The following SNURF variants were observed in gnomAD, a reference collection of about 807,000 sequenced individuals.
The protein encoded by SNURF is SNURF protein.
SNURF carries 6 observed loss-of-function variants against 11.6 expected under a neutral mutation model. That is an observed-to-expected ratio of 0.52 (90% CI 0.28 to 1.02). The LOEUF (loss-of-function observed/expected upper bound fraction) is 1.02, where lower values mean the gene tolerates loss of function less well. SNURF is among the 50% of genes least tolerant of loss of function. The probability of loss-of-function intolerance (pLI) is 0.09; values close to 1 mark genes in which losing one functional copy is unlikely to be tolerated. For missense variants in SNURF, 84 were observed against 88.4 expected (o/e 0.95, Z 0.20); for synonymous variants, 29 against 31.6 (o/e 0.92, Z 0.27).
intron 1 of SNURF, among the ~76,000 whole-genome samples, chr15:24,960,607 G>A (rs536439913): frequency 6.6e-6 from 1 of 152,134 alleles, no homozygotes; most frequent in East Asian, 1.9e-4. Flanking sequence ...TGCCTCATTG[G>A]GATTTTGATT....
downstream of SNURF, among the ~76,000 whole-genome samples, chr15:24,971,414 G>A (rs1273799287): frequency 6.6e-6 from 1 of 152,182 alleles, no homozygotes; most frequent in Non-Finnish European, 1.5e-5. Context: ...AGGGATGAGA[G>A]AGAACTGTTT....
intron 2 of SNURF, among the ~76,000 whole-genome samples, chr15:24,964,452 C>T (rs1397096140): frequency 6.6e-6 from 1 of 152,078 alleles, no homozygotes; most frequent in Non-Finnish European, 1.5e-5. Flanking sequence ...GCCACCATGC[C>T]TGGCTAATTT....
downstream of SNURF, among the ~76,000 whole-genome samples, chr15:24,971,219 T>C (rs2076358989): frequency 6.6e-6 from 1 of 152,232 alleles, no homozygotes; most frequent in African/African-American, 2.4e-5. Context: ...AATTTGCTTA[T>C]GTGCCCTTTG....
chr15:24,962,249 T>A (rs1431761378), intron 2 of SNURF, 40 bp downstream of exon 2: 2 of 1,534,744 alleles, frequency 1.3e-6, no homozygotes, highest in South Asian at 2.2e-5. Context: ...CAAGTCAGAA[T>A]CTCCTTTCAG....
chr15:24,959,651 A>G (rs933795487), intron 1 of SNURF, among the ~76,000 whole-genome samples: 3 of 152,196 alleles, frequency 2.0e-5, no homozygotes, highest in Non-Finnish European at 4.4e-5. Flanking sequence ...ATTGTATTAT[A>G]TTAAGGTACT....
chr15:24,968,365 A>G, exon 3 of SNURF: 1 of 249,992 alleles, frequency 4.0e-6, no homozygotes. Flanking sequence ...TGGCTCTTGA[A>G]TACCCTGTTA....
At chr15:24,967,703 G>A (rs2075851299) in intron 2 of SNURF, among the ~76,000 whole-genome samples, 2 of 150,956 alleles carry the variant, frequency 1.3e-5, no homozygotes, top group Admixed American at 6.6e-5. Context: ...AGCTACTTGG[G>A]AGGCTGAGGC....
At chr15:24,968,105 TC>T in exon 3 of SNURF, 1 of 1,335,342 alleles carries the variant, frequency 7.5e-7, no homozygotes, top group Non-Finnish European at 1.1e-6. Flanking sequence ...GCAGCAATGA[TC>T]AAGAATAAAG....
intron 6 of SNURF, among the ~76,000 whole-genome samples, chr15:24,977,494 G>A (rs1335263861): frequency 6.6e-6 from 1 of 152,078 alleles, no homozygotes; most frequent in African/African-American, 2.4e-5. Context: ...ACAAAAATCA[G>A]CTGTGTGTGG....
At chr15:24,959,354 C>T (rs548276504) in intron 1 of SNURF, among the ~76,000 whole-genome samples, 7 of 152,212 alleles carry the variant, frequency 4.6e-5, no homozygotes, top group African/African-American at 1.2e-4. Flanking sequence ...AAGCCAGGTG[C>T]GGTGGCTCAT....
At chr15:24,957,579 C>T (rs551547414) in intron 1 of SNURF, among the ~76,000 whole-genome samples, 1 of 152,220 alleles carries the variant, frequency 6.6e-6, no homozygotes, top group East Asian at 1.9e-4. Context: ...TTTACATTTT[C>T]CCTCTATCAT....
chr15:24,957,773 T>C (rs1308002715), intron 1 of SNURF, among the ~76,000 whole-genome samples: 1 of 152,154 alleles, frequency 6.6e-6, no homozygotes, highest in Non-Finnish European at 1.5e-5. Flanking sequence ...GCAGTTCACA[T>C]ACATATATTT....
At chr15:24,958,520 T>TTTA (rs1440476628) in intron 1 of SNURF, among the ~76,000 whole-genome samples, 1 of 120,712 alleles carries the variant, frequency 8.3e-6, no homozygotes, top group African/African-American at 3.4e-5. Context: ...TTTTTTTTTT[T>TTTA]AAATAGACCA....
At chr15:24,955,560 T>G (rs1216710603) in intron 1 of SNURF, among the ~76,000 whole-genome samples, 1 of 140,692 alleles carries the variant, frequency 7.1e-6, no homozygotes. Context: ...GGTAGGTGTA[T>G]AATAGTGACC....
downstream of SNURF, among the ~76,000 whole-genome samples, chr15:24,969,222 A>G (rs555067665): frequency 5.5e-4 from 84 of 152,178 alleles, no homozygotes; most frequent in Admixed American, 6.5e-4. Flanking sequence ...TCTGCCTCCC[A>G]GGTTCAACTG....
At chr15:24,969,317 C>T (rs2076100978), downstream of SNURF, among the ~76,000 whole-genome samples, 2 of 152,016 alleles carry the variant, frequency 1.3e-5, no homozygotes, top group African/African-American at 2.4e-5. Flanking sequence ...TTGGTAGAGA[C>T]GGGGTTTCAC....
At chr15:24,974,228 C>T in intron 3 of SNURF, 1 of 569,750 alleles carries the variant, frequency 1.8e-6, no homozygotes, top group South Asian at 2.1e-5. Flanking sequence ...ACGTGTCTGT[C>T]ATAGTGATTT....
intron 3 of SNURF, chr15:24,974,163 G>T (rs1023961648): frequency 4.6e-6 from 2 of 433,852 alleles, no homozygotes; most frequent in African/African-American, 4.0e-5. Context: ...AGGGACTAGG[G>T]AAATGTGGCA....
chr15:24,978,683 T>G, downstream of SNURF: 3 of 549,598 alleles, frequency 5.5e-6, no homozygotes, highest in Non-Finnish European at 9.6e-6. Context: ...CAAATCATAT[T>G]CTCTTTAATT....
Sources: allele counts gnomAD v4.1 joint callset (sites outside exome capture counted in the v4.1 genomes callset), GRCh38; gene constraint gnomAD v4.1.1; transcripts MANE v1.5; gene names NCBI Gene and HGNC (gene_info 2026-07-23, HGNC 2026-07-21).